GON4L: variants seen among roughly 807,000 people sequenced by gnomAD.
GON4L encodes gon-4 like.
A neutral mutation model predicts 211.8 loss-of-function variants in GON4L; 87 were observed. That is an observed-to-expected ratio of 0.41 (90% CI 0.35 to 0.49). The LOEUF (loss-of-function observed/expected upper bound fraction) is 0.49, where lower values mean the gene tolerates loss of function less well. Ranked by LOEUF, GON4L falls within the 20% of genes least tolerant of loss-of-function variation. The pLI, the probability that GON4L is intolerant of heterozygous loss-of-function variation, is 0.15. For missense variants in GON4L, 2,155 were observed against 2,659.5 expected (o/e 0.81, Z 4.17); for synonymous variants, 875 against 962.6 (o/e 0.91, Z 1.68).
intron 23 of GON4L, among the ~76,000 whole-genome samples, chr1:155,760,940 A>G (rs1452161718): frequency 6.6e-6 from 1 of 152,238 alleles, no homozygotes; most frequent in Non-Finnish European, 1.5e-5. Flanking sequence ...CTTACTGATT[A>G]CAGCCCCATA....
intron 3 of GON4L, 53 bp from the exon 4 acceptor site, chr1:155,822,529 C>CTTAG: frequency 1.4e-6 from 2 of 1,390,704 alleles, no homozygotes; most frequent in Non-Finnish European, 2.0e-6. Flanking sequence ...GCTCCAGGAA[C>CTTAG]TTAGCCCAGA....
At chr1:155,834,250 C>T (rs1670088223) in intron 2 of GON4L, among the ~76,000 whole-genome samples, 1 of 152,154 alleles carries the variant, frequency 6.6e-6, no homozygotes, top group Admixed American at 6.5e-5. Flanking sequence ...CCCTCCTTTG[C>T]TACTAAATTT....
chr1:155,798,576 ATTTTTTT>A (rs34273258), intron 11 of GON4L, among the ~76,000 whole-genome samples: 1 of 89,542 alleles, frequency 1.1e-5, no homozygotes, highest in African/African-American at 4.7e-5. Context: ...CGTCAGGCTA[ATTTTTTT>A]TTTTTTTTTT....
intron 5 of GON4L, among the ~76,000 whole-genome samples, chr1:155,820,879 G>C (rs923962559): frequency 6.6e-6 from 1 of 152,176 alleles, no homozygotes; most frequent in African/African-American, 2.4e-5. Context: ...AGCTACTCAA[G>C]AGGCTGAACT....
chr1:155,773,250 C>A lies in GON4L; in HGVS notation c.2351-40G>T, dbSNP rs376237437. The A allele has an allele frequency of 1.9e-6, 3 of 1,610,880 alleles. No individual in the cohort carries two copies. In the African/African-American group the frequency reaches 4.0e-5, roughly 22 times the overall value. On this transcript the variant is annotated intron_variant, in intron 17 of 31. Transcript: ENST00000368331. ...ATCTCGGATAAATCAACTTCTAGGA[C>A]AAAAGAGGGCTTCATAAAAGCCTGT...
chr1:155,747,992 A>C (rs1488555150), downstream of GON4L: 3 of 1,596,090 alleles, frequency 1.9e-6, no homozygotes, highest in Middle Eastern at 1.7e-4. Flanking sequence ...CCAGAGAAAC[A>C]TCTATCGTCT....
chr1:155,845,228 C>G (rs1671122023), intron 2 of GON4L: 1 of 170,390 alleles, frequency 5.9e-6, no homozygotes, highest in Non-Finnish European at 1.2e-5. Flanking sequence ...AAGAAAGCAG[C>G]CAAAACCAGT....
chr1:155,827,145 A>G (rs980950219), intron 2 of GON4L, 117 bp from the exon 3 acceptor site: 5 of 764,410 alleles, frequency 6.5e-6, no homozygotes, highest in Non-Finnish European at 9.2e-6. Flanking sequence ...TTAAGCATAT[A>G]CTATATAGGA....
At chr1:155,798,301 G>C (rs1666277649) in intron 11 of GON4L, among the ~76,000 whole-genome samples, 1 of 150,244 alleles carries the variant, frequency 6.7e-6, no homozygotes, top group Admixed American at 6.6e-5. Flanking sequence ...TCTATTTGTG[G>C]GTTTAACTTA....
At chr1:155,797,720 G>C (rs2102012661) in intron 11 of GON4L, among the ~76,000 whole-genome samples, 1 of 151,264 alleles carries the variant, frequency 6.6e-6, no homozygotes. Context: ...AAGAGTAATG[G>C]TGCGTGCCTG....
intron 10 of GON4L, among the ~76,000 whole-genome samples, chr1:155,808,822 G>C (rs1446229716): frequency 6.6e-6 from 1 of 151,980 alleles, no homozygotes; most frequent in African/African-American, 2.4e-5. Flanking sequence ...AGGTTACCCA[G>C]GCTTGTCTTG....
At position 155,766,504 on chromosome 1, in the gene GON4L, C is replaced by T. The variant is rs760596280; in HGVS notation, c.2969G>A (p.Arg990Lys). The T allele has an allele frequency of 8.1e-6, 13 of 1,613,996 alleles. No individual in the cohort carries two copies. Among genetic ancestry groups the T allele is most frequent in the Admixed American group, 1.7e-5 (1 of 59,990 alleles). The change falls in exon 21 of 32, where the codon AGG (arginine) becomes AAG (lysine). Residue 990 changes from arginine to lysine, a missense_variant. By Grantham distance (26) the Arg-to-Lys change is conservative. This residue lies in a region of GON4L where 615 missense variants were observed against 625.7 expected (regional missense o/e 0.98). Transcript: ENST00000368331. The stretch of plus-strand genomic sequence containing the variant: ...TGAACGCTTCTGTCTCCAAGCCTTC[C>T]TGGGGAAACGGGTGGCAACTGGCTT... Reference protein sequence around the residue: ...KLKPVATRFPRKAWRQKRSSV... With the variant: ...KLKPVATRFPKKAWRQKRSSV...
At chr1:155,787,659 G>A (rs1665098370) in intron 12 of GON4L, among the ~76,000 whole-genome samples, 1 of 152,158 alleles carries the variant, frequency 6.6e-6, no homozygotes, top group African/African-American at 2.4e-5. Context: ...TGGAATCCCA[G>A]CTACTCGGGA....
intron 10 of GON4L, among the ~76,000 whole-genome samples, chr1:155,810,159 C>T (rs1242943274): frequency 6.6e-6 from 1 of 150,602 alleles, no homozygotes; most frequent in Non-Finnish European, 1.5e-5. Context: ...CAATGCCCAG[C>T]TAATTTTTGT....
intron 12 of GON4L, among the ~76,000 whole-genome samples, chr1:155,785,961 T>C (rs1664899753): frequency 6.6e-6 from 1 of 151,896 alleles, no homozygotes. Flanking sequence ...CCAGCCGTGG[T>C]GGTGGGCGCC....
intron 4 of GON4L, 116 bp downstream of exon 4, chr1:155,822,170 G>A (rs1253999892): frequency 1.0e-5 from 9 of 860,598 alleles, no homozygotes; most frequent in Non-Finnish European, 1.8e-5. Flanking sequence ...TCTGTCACGG[G>A]TAACCCACAA....
At chr1:155,748,105 A>G (rs201462451), downstream of GON4L, 204 of 1,605,824 alleles carry the variant, frequency 1.3e-4, 3 homozygotes, top group Middle Eastern at 2.6e-3. Context: ...CCACCTGTCA[A>G]CTTCCCTTAC....
intron 2 of GON4L, among the ~76,000 whole-genome samples, chr1:155,830,252 C>A (rs764751407): frequency 6.7e-6 from 1 of 150,194 alleles, no homozygotes; most frequent in African/African-American, 2.4e-5. Context: ...CCCAGCCCTG[C>A]AGGGACAGTT....
intron 12 of GON4L, among the ~76,000 whole-genome samples, chr1:155,786,982 C>A (rs899605357): frequency 6.8e-6 from 1 of 147,358 alleles, no homozygotes; most frequent in African/African-American, 2.7e-5. Context: ...AGTGCAGTGG[C>A]GCGATCTCAG....
Sources: gnomAD v4.1 joint callset for allele counts (sites outside exome capture counted in the v4.1 genomes callset) on GRCh38, gnomAD v4.1.1 for gene constraint, gnomAD v4.1.1 regional missense constraint, MANE v1.5 for transcripts, NCBI Gene and HGNC (gene_info 2026-07-23, HGNC 2026-07-21) for gene names.